Variants in TDRD3 observed in about 807,000 individuals in gnomAD.
TDRD3 encodes the protein tudor domain containing 3, also known as tudor domain-containing protein 3.
TDRD3 carries 45 observed loss-of-function variants against 86.7 expected under a neutral mutation model. The ratio of observed to expected loss-of-function variants is 0.52; its 90% CI spans 0.41 to 0.67. The LOEUF is 0.67. Among genes scored for constraint, TDRD3 ranks in the 30% least tolerant of loss-of-function variants. The pLI is 0.00. For synonymous variants in TDRD3, 298 were observed against 301.7 expected, an observed-to-expected ratio of 0.99 and a Z score of 0.13; for missense variants, 814 against 889.0, an observed-to-expected ratio of 0.92 and a Z score of 1.07.
intron 8 of TDRD3, among the ~76,000 whole-genome samples, chr13:60,501,492 A>G (rs1350301548): frequency 6.6e-6 from 1 of 152,248 alleles, no homozygotes; most frequent in Non-Finnish European, 1.5e-5. Flanking sequence ...TTGGATGGCT[A>G]GAGTAACTTC....
intron 5 of TDRD3, among the ~76,000 whole-genome samples, chr13:60,482,687 C>T (rs1037104410): frequency 1.3e-5 from 2 of 152,044 alleles, no homozygotes; most frequent in Non-Finnish European, 2.9e-5. Context: ...TTTAAAGAAA[C>T]GTGGCACTCA....
intron 3 of TDRD3, among the ~76,000 whole-genome samples, chr13:60,452,641 C>G (rs1955576673): frequency 6.6e-6 from 1 of 151,810 alleles, no homozygotes; most frequent in East Asian, 1.9e-4. Flanking sequence ...ATAGTTTTTC[C>G]TGTTTATTGG....
intron 1 of TDRD3, among the ~76,000 whole-genome samples, chr13:60,406,181 G>T (rs1954229627): frequency 6.6e-6 from 1 of 152,172 alleles, no homozygotes; most frequent in South Asian, 2.1e-4. Flanking sequence ...CTGGGCTAGA[G>T]ATAAATTTGG....
intron 1 of TDRD3, among the ~76,000 whole-genome samples, chr13:60,418,211 G>C (rs1954572781): frequency 6.6e-6 from 1 of 151,972 alleles, no homozygotes; most frequent in Non-Finnish European, 1.5e-5. Context: ...TATGTACATG[G>C]TATTTTATGT....
At chr13:60,426,857 T>C (rs143388282) in intron 1 of TDRD3, among the ~76,000 whole-genome samples, 2 of 152,294 alleles carry the variant, frequency 1.3e-5, no homozygotes, top group African/African-American at 4.8e-5. Flanking sequence ...CGTCACAGAG[T>C]GTTCTTACAC....
At chr13:60,519,347 G>A (rs896159497) in intron 10 of TDRD3, among the ~76,000 whole-genome samples, 2 of 152,082 alleles carry the variant, frequency 1.3e-5, no homozygotes, top group Non-Finnish European at 2.9e-5. Flanking sequence ...AAGGAAATAG[G>A]TTTGTATATT....
intron 12 of TDRD3, among the ~76,000 whole-genome samples, chr13:60,541,714 G>GTTTT (rs1259380702): frequency 7.0e-5 from 3 of 43,006 alleles, no homozygotes; most frequent in African/African-American, 1.5e-4. Flanking sequence ...CTTCAGCATA[G>GTTTT]TCTTTTTTTT....
At chr13:60,539,694 A>G (rs997346391) in intron 12 of TDRD3, among the ~76,000 whole-genome samples, 1 of 151,888 alleles carries the variant, frequency 6.6e-6, no homozygotes, top group African/African-American at 2.4e-5. Context: ...CCTGGGAAGC[A>G]CATTTGAAAG....
intron 1 of TDRD3, among the ~76,000 whole-genome samples, chr13:60,405,019 T>C (rs2009015): frequency 0.2 from 30,604 of 152,258 alleles, 3,654 homozygotes; most frequent in South Asian, 0.29. Context: ...ATGTGGCTTG[T>C]CCCTCTTTGC....
chr13:60,456,165 G>C (rs1955665405), intron 3 of TDRD3, among the ~76,000 whole-genome samples: 1 of 151,568 alleles, frequency 6.6e-6, no homozygotes, highest in Non-Finnish European at 1.5e-5. Context: ...ATTGTTTTAA[G>C]TGTTTATCCA....
At chr13:60,493,371 A>G (rs1358308045) in intron 7 of TDRD3, among the ~76,000 whole-genome samples, 1 of 152,144 alleles carries the variant, frequency 6.6e-6, no homozygotes, top group African/African-American at 2.4e-5. Context: ...TGAGAACTAT[A>G]AAAATATTTG....
intron 2 of TDRD3, 52 bp from the exon 3 acceptor site, chr13:60,444,631 T>C: frequency 9.2e-7 from 1 of 1,092,728 alleles, no homozygotes; most frequent in Non-Finnish European, 1.3e-6. Context: ...AGGTTAGATT[T>C]AAATTTACTC....
intron 1 of TDRD3, among the ~76,000 whole-genome samples, chr13:60,430,157 A>G (rs960275589): frequency 6.6e-6 from 1 of 152,188 alleles, no homozygotes; most frequent in Non-Finnish European, 1.5e-5. Flanking sequence ...TAGTTTCACT[A>G]AAAAGTGATA....
chr13:60,480,019 T>A (rs1368330567), intron 5 of TDRD3, among the ~76,000 whole-genome samples: 1 of 152,190 alleles, frequency 6.6e-6, no homozygotes, highest in East Asian at 1.9e-4. Flanking sequence ...TATTGATATG[T>A]TAGGGTTTGA....
At chr13:60,467,606 C>A (rs1420592215) in intron 5 of TDRD3, among the ~76,000 whole-genome samples, 1 of 152,110 alleles carries the variant, frequency 6.6e-6, no homozygotes, top group Non-Finnish European at 1.5e-5. Flanking sequence ...AACATTCTTT[C>A]CTGACAAGTT....
chr13:60,560,478 TTGA>T (rs754173250), intron 12 of TDRD3, among the ~76,000 whole-genome samples: 43 of 152,324 alleles, frequency 2.8e-4, no homozygotes, highest in Non-Finnish European at 5.0e-4. Flanking sequence ...ATGCAGCTTT[TTGA>T]TGTTTTCACT....
Position 60,416,552 on chromosome 13 carries a change from CTTG to C in TDRD3, c.41+19155_41+19157del, listed in dbSNP as rs760251184. 5.9e-5 allele frequency among the ~76,000 whole-genome samples: 9 copies of C among 152,254 alleles called. No individual in the cohort carries two copies. In the East Asian group the frequency reaches 1.3e-3, roughly 23 times the overall value. On this transcript the variant is annotated intron_variant, in intron 1 of 13. Coordinates refer to ENST00000377881, the MANE Select transcript of TDRD3 (RefSeq NM_001146070.2). ...AGAAAATATTTTACGAATGCCTTTT[CTTG>C]TTGTTGTAATGTTTAGCACATGTAT...
At chr13:60,530,088 T>G (rs559084154) in intron 11 of TDRD3, among the ~76,000 whole-genome samples, 1 of 152,356 alleles carries the variant, frequency 6.6e-6, no homozygotes, top group South Asian at 2.1e-4. Flanking sequence ...TACATTATTC[T>G]CTTAATCAGT....
chr13:60,555,854 T>TC (rs1266740061), intron 12 of TDRD3, among the ~76,000 whole-genome samples: 1 of 146,982 alleles, frequency 6.8e-6, no homozygotes, highest in East Asian at 2.0e-4. Flanking sequence ...ATTTCTTTCT[T>TC]TTTTTTTTTT....
Sources: allele counts gnomAD v4.1 joint callset (sites outside exome capture counted in the v4.1 genomes callset), GRCh38; gene constraint gnomAD v4.1.1; transcripts MANE v1.5; gene names NCBI Gene and HGNC (gene_info 2026-07-23, HGNC 2026-07-21).